The following TNFRSF13B variants were observed in gnomAD, a reference collection of about 807,000 sequenced individuals.
TNFRSF13B encodes the protein tumor necrosis factor receptor superfamily member 13B.
In TNFRSF13B, 34 loss-of-function variants were observed where a neutral mutation model predicts 24.0. The observed-to-expected ratio is 1.41, with a 90% CI of 1.08 to 1.88. The LOEUF is 1.88. Among genes scored for constraint, TNFRSF13B ranks in the 40% most tolerant of loss-of-function variants. The pLI, the probability that TNFRSF13B is intolerant of heterozygous loss-of-function variation, is 0.00. For missense variants in TNFRSF13B, 415 were observed against 380.8 expected (o/e 1.09, Z -0.75); for synonymous variants, 173 against 150.3 (o/e 1.15, Z -1.10).
rs543546242 is a variant in TNFRSF13B at position 16,941,628 on chromosome 17, A to G, written c.446-1117T>C. Reference sequence around the variant, plus strand: ...CCCATTAAAAATACTGAGAATTTGTATACCATCAAATTTGCTGTATTAAAG... The same window carrying G: ...CCCATTAAAAATACTGAGAATTTGTGTACCATCAAATTTGCTGTATTAAAG... On this transcript the variant is annotated intron_variant, in intron 3 of 4. Coordinates refer to ENST00000261652, the MANE Select transcript of TNFRSF13B (RefSeq NM_012452.3). 5.3e-5 allele frequency among the ~76,000 whole-genome samples: 8 copies of G among 152,342 alleles called. No homozygotes were observed. In the East Asian group the frequency reaches 9.6e-4, roughly 18 times the overall value.
intron 1 of TNFRSF13B, among the ~76,000 whole-genome samples, chr17:16,952,961 C>G (rs1473423690): frequency 6.6e-6 from 1 of 152,220 alleles, no homozygotes; most frequent in Non-Finnish European, 1.5e-5. Context: ...CCCTGCCCCT[C>G]AGCTGTTTAT....
At position 16,972,014 on chromosome 17, in the gene TNFRSF13B, C is replaced by T. The variant is rs1016142312; in HGVS notation, c.61+1G>A. The T allele has an allele frequency of 6.2e-7, 1 of 1,614,182 alleles. No individual in the cohort carries two copies. Among genetic ancestry groups the T allele is most frequent in the East Asian group, 2.2e-5 (1 of 44,888 alleles). ...TCCTGCCCTCCTGCCCGGCTACTCACAGCGCTCCTCCTGGTCCACACGGCT... is the reference window on the plus strand; with the variant it reads ...TCCTGCCCTCCTGCCCGGCTACTCATAGCGCTCCTCCTGGTCCACACGGCT... On this transcript the variant is annotated splice_donor_variant, in intron 1 of 4. Transcript: ENST00000261652. LOFTEE classifies it high-confidence loss of function.
chr17:16,968,832 A>G (rs190799724), intron 1 of TNFRSF13B, among the ~76,000 whole-genome samples: 180 of 152,388 alleles, frequency 1.2e-3, no homozygotes, highest in Non-Finnish European at 2.2e-3. Context: ...AAATATATAA[A>G]GAATGCTTAT....
At chr17:16,943,372 G>C (rs966532285) in intron 3 of TNFRSF13B, among the ~76,000 whole-genome samples, 1 of 152,172 alleles carries the variant, frequency 6.6e-6, no homozygotes, top group Non-Finnish European at 1.5e-5. Context: ...TTCCCAGAAG[G>C]GGTCACGGGC....
In TNFRSF13B at chr17:16,940,323, C is replaced by T; in HGVS notation, c.631+3G>A. On this transcript the variant is annotated splice_donor_region_variant and intron_variant, in intron 4 of 4. Coordinates refer to ENST00000261652, the MANE Select transcript of TNFRSF13B (RefSeq NM_012452.3). ...GGCGAGGACCCCAGTTTCATGCACT[C>T]ACCCTGGGAAGACTTGGCCGGACTT... 6.2e-7 allele frequency: 1 copy of T among 1,613,088 alleles called. No individual in the cohort carries two copies. Among genetic ancestry groups the T allele is most frequent in the Non-Finnish European group, 8.5e-7 (1 of 1,179,958 alleles).
intron 1 of TNFRSF13B, 43 bp downstream of exon 1, chr17:16,971,972 A>G (rs756593504): frequency 6.2e-7 from 1 of 1,608,484 alleles, no homozygotes; most frequent in Non-Finnish European, 8.5e-7. Flanking sequence ...AACCCTCCTC[A>G]CACCTCCCAC....
intron 1 of TNFRSF13B, among the ~76,000 whole-genome samples, chr17:16,966,879 C>CA (rs34505646): frequency 0.038 from 5,086 of 132,896 alleles, 122 homozygotes; most frequent in South Asian, 0.11. Flanking sequence ...CACTCTGTCT[C>CA]CCAGGCTGGA....
chr17:16,964,174 G>A (rs147768453), intron 1 of TNFRSF13B, among the ~76,000 whole-genome samples: 6 of 151,378 alleles, frequency 4.0e-5, no homozygotes, highest in African/African-American at 1.5e-4. Context: ...AAGGAAGGAG[G>A]AGGAGGAAAA....
Position 16,940,209 on chromosome 17 carries a change from G to A in TNFRSF13B, c.631+117C>T. Reference sequence around the variant, plus strand: ...TTTTATCAAGGTATAGCAAGTAACAGGGATGAGCCCTGGGCCTCTCCACCT... The same window carrying A: ...TTTTATCAAGGTATAGCAAGTAACAAGGATGAGCCCTGGGCCTCTCCACCT... On this transcript the variant is annotated intron_variant, in intron 4 of 4. Transcript: ENST00000261652. The A allele has an allele frequency of 3.1e-6, 5 of 1,601,850 alleles. 1 individual carries two copies. The highest frequency in any genetic ancestry group is 3.4e-5 in the Admixed American group (2 of 59,068).
In TNFRSF13B at chr17:16,939,447, GTC is replaced by G. The variant is rs1294682638; in HGVS notation, c.*98_*99del. On this transcript the variant is annotated 3_prime_UTR_variant, in exon 5 of 5. Transcript: ENST00000261652. Reference sequence around the variant, plus strand: ...GTTTCTCTCCCTCTCTGCCTCCTCTGTCTCTCTCTCCTCATATCTCTCTCCCC... The same window carrying G: ...GTTTCTCTCCCTCTCTGCCTCCTCTGTCTCTCTCCTCATATCTCTCTCCCC... The G allele has an allele frequency of 8.7e-6, 12 of 1,373,404 alleles. No individual in the cohort carries two copies. Among genetic ancestry groups the G allele is most frequent in the Non-Finnish European group, 1.1e-5 (11 of 1,017,156 alleles). The allele number at this position is 1,373,404 out of a possible 1,614,324, so 85.1% of individuals were successfully genotyped here. A position where few individuals can be genotyped will look rare whatever the true frequency, so the allele number is the denominator to read the frequency against.
chr17:16,961,985 AG>A (rs1298413782), intron 1 of TNFRSF13B, among the ~76,000 whole-genome samples: 15 of 152,344 alleles, frequency 9.8e-5, no homozygotes, highest in African/African-American at 3.6e-4. Flanking sequence ...GGACATTCTC[AG>A]CATGATGGTG....
intron 3 of TNFRSF13B, among the ~76,000 whole-genome samples, chr17:16,946,885 GC>G (rs2087553787): frequency 6.6e-6 from 1 of 151,922 alleles, no homozygotes; most frequent in Non-Finnish European, 1.5e-5. Flanking sequence ...ACCATGCTGA[GC>G]CTTCTCTTTT....
intron 4 of TNFRSF13B, 115 bp from the exon 5 acceptor site, chr17:16,939,912 G>A (rs1056033814): frequency 3.6e-5 from 49 of 1,374,212 alleles, no homozygotes; most frequent in South Asian, 9.1e-5. Context: ...AATCACCAGC[G>A]TAGAACGCCC....
At chr17:16,949,233 T>C (rs2087571802) in intron 2 of TNFRSF13B, among the ~76,000 whole-genome samples, 1 of 152,230 alleles carries the variant, frequency 6.6e-6, no homozygotes, top group South Asian at 2.1e-4. Context: ...CACTTATTTT[T>C]CATTATTATC....
intron 1 of TNFRSF13B, among the ~76,000 whole-genome samples, chr17:16,969,612 C>T (rs1254126991): frequency 1.3e-5 from 2 of 152,152 alleles, no homozygotes; most frequent in Non-Finnish European, 1.5e-5. Flanking sequence ...GTGATGGTTG[C>T]ACAACTCTGT....
rs114655913 is a variant in TNFRSF13B at position 16,950,626 on chromosome 17, G to T, written c.200-1643C>A. Among the ~76,000 whole-genome samples the T allele has an allele frequency of 1.2e-3, 180 of 152,280 alleles. 1 individual carries two copies. The highest frequency in any genetic ancestry group is 4.0e-3 in the African/African-American group (167 of 41,570). ...CTCCACTCTGCATCACACAGGGTTA[G>T]CCCAGCATTGGTGTCCTTGGGGCTT... On this transcript the variant is annotated intron_variant, in intron 2 of 4. Coordinates refer to ENST00000261652, the MANE Select transcript of TNFRSF13B (RefSeq NM_012452.3).
At chr17:16,939,884 G>T in intron 4 of TNFRSF13B, 87 bp from the exon 5 acceptor site, 1 of 1,455,514 alleles carries the variant, frequency 6.9e-7, no homozygotes, top group South Asian at 1.4e-5. Context: ...ACTCTCCCCC[G>T]ACCCAGGAGC....
chr17:16,963,326 G>C (rs1401113390), intron 1 of TNFRSF13B, among the ~76,000 whole-genome samples: 2 of 152,104 alleles, frequency 1.3e-5, no homozygotes, highest in Non-Finnish European at 2.9e-5. Flanking sequence ...AAAATTTTAG[G>C]GGCCAATTCC....
intron 1 of TNFRSF13B, among the ~76,000 whole-genome samples, chr17:16,967,767 A>C (rs1210982681): frequency 1.3e-5 from 2 of 148,598 alleles, no homozygotes; most frequent in Non-Finnish European, 3.0e-5. Context: ...AAAAAAAAAA[A>C]AAAAAGAAAG....
Sources: allele counts gnomAD v4.1 joint callset (sites outside exome capture counted in the v4.1 genomes callset), GRCh38; gene constraint gnomAD v4.1.1; transcripts MANE v1.5; gene names NCBI Gene and HGNC (gene_info 2026-07-23, HGNC 2026-07-21).